NR6A1: variants seen among roughly 807,000 people sequenced by gnomAD.
NR6A1 encodes the protein nuclear receptor subfamily 6 group A member 1, also known as retinoic acid receptor-related testis-associated receptor.
A neutral mutation model predicts 59.1 loss-of-function variants in NR6A1; 7 were observed. The ratio of observed to expected loss-of-function variants is 0.12; its 90% CI spans 0.07 to 0.22. The LOEUF is 0.22. Ranked by LOEUF, NR6A1 falls within the 10% of genes least tolerant of loss-of-function variation. The probability of loss-of-function intolerance (pLI) is 1.00; values close to 1 mark genes in which losing one functional copy is unlikely to be tolerated. For missense variants in NR6A1, 468 were observed against 611.6 expected, an observed-to-expected ratio of 0.77 and a Z score of 2.48; for synonymous variants, 243 against 236.1, an observed-to-expected ratio of 1.03 and a Z score of -0.27.
Position 124,526,846 on chromosome 9 carries a change from C to T in NR6A1, c.1134G>A (p.Lys378=). The change falls in exon 8 of 10, where the codon AAG becomes AAA. Residue 378 remains lysine (K), a synonymous_variant. Transcript: ENST00000487099. ...CGTTGCTGACCTTTAGCTGATGGAA[C>T]TTGTGATAGAGGTAGATGAGCCGCT... is the stretch of plus-strand genomic sequence containing the variant. ...VIERLIYLYH[K]FHQLKVSNEE... 6.2e-7 allele frequency: 1 copy of T among 1,614,118 alleles called. No individual in the cohort carries two copies. Among genetic ancestry groups the T allele is most frequent in the African/African-American group, 1.3e-5 (1 of 75,044 alleles).
chr9:124,719,610 G>C (rs1839504473), intron 2 of NR6A1, among the ~76,000 whole-genome samples: 1 of 152,088 alleles, frequency 6.6e-6, no homozygotes, highest in African/African-American at 2.4e-5. Context: ...AAACCTAAGA[G>C]TATACGCTCA....
At chr9:124,753,603 T>C (rs1840562885) in intron 1 of NR6A1, among the ~76,000 whole-genome samples, 1 of 152,240 alleles carries the variant, frequency 6.6e-6, no homozygotes, top group African/African-American at 2.4e-5. Flanking sequence ...TATCACCACC[T>C]ATCCAAAGAA....
At chr9:124,754,951 C>A (rs1316807112) in intron 1 of NR6A1, among the ~76,000 whole-genome samples, 1 of 152,092 alleles carries the variant, frequency 6.6e-6, no homozygotes, top group Non-Finnish European at 1.5e-5. Flanking sequence ...CCCTTCCACT[C>A]AACTGTCAAA....
chr9:124,536,684 T>C lies in NR6A1; in HGVS notation c.825-552A>G, dbSNP rs569136509. 2.0e-5 allele frequency among the ~76,000 whole-genome samples: 3 copies of C among 150,130 alleles called. No homozygotes were observed. In the East Asian group the frequency reaches 5.8e-4, roughly 29 times the overall value. ...TGTCTAAAAAAAAAAAAAAAAGAAATGTGTCCAATTGTCAGGGAATATGAC... is the reference window on the plus strand; with the variant it reads ...TGTCTAAAAAAAAAAAAAAAAGAAACGTGTCCAATTGTCAGGGAATATGAC... On this transcript the variant is annotated intron_variant, in intron 6 of 9. Transcript: ENST00000487099.
intron 2 of NR6A1, among the ~76,000 whole-genome samples, chr9:124,628,642 A>AC (rs1554736480): frequency 7.2e-6 from 1 of 138,788 alleles, no homozygotes; most frequent in Non-Finnish European, 1.6e-5. Flanking sequence ...CGTCCAGCCT[A>AC]TTTTTTTTTT....
At chr9:124,606,720 C>G (rs1481314698) in intron 2 of NR6A1, among the ~76,000 whole-genome samples, 2 of 152,192 alleles carry the variant, frequency 1.3e-5, no homozygotes, top group African/African-American at 4.8e-5. Flanking sequence ...TAACACAACT[C>G]TATGTTCACG....
chr9:124,625,263 A>G (rs555832023), intron 2 of NR6A1, among the ~76,000 whole-genome samples: 17 of 152,340 alleles, frequency 1.1e-4, no homozygotes, highest in African/African-American at 3.8e-4. Flanking sequence ...TTACTCTGGT[A>G]ACCTCACAAG....
intron 2 of NR6A1, among the ~76,000 whole-genome samples, chr9:124,717,671 T>C (rs1319014097): frequency 6.6e-6 from 1 of 152,206 alleles, no homozygotes; most frequent in Non-Finnish European, 1.5e-5. Context: ...TAAAAATGCT[T>C]AACCTTAACA....
chr9:124,589,577 C>T (rs1835048608), intron 2 of NR6A1, among the ~76,000 whole-genome samples: 1 of 152,232 alleles, frequency 6.6e-6, no homozygotes, highest in Admixed American at 6.5e-5. Context: ...GGTTGCCAAG[C>T]CTTTCATTTG....
intron 2 of NR6A1, among the ~76,000 whole-genome samples, chr9:124,651,179 C>T (rs1837091404): frequency 6.6e-6 from 1 of 152,284 alleles, no homozygotes; most frequent in South Asian, 2.1e-4. Flanking sequence ...GCCTCAGCCT[C>T]CCAAGTAGCT....
At chr9:124,537,014 G>A (rs556860720) in intron 6 of NR6A1, among the ~76,000 whole-genome samples, 1 of 151,860 alleles carries the variant, frequency 6.6e-6, no homozygotes, top group East Asian at 1.9e-4. Context: ...AAGAGTTTCA[G>A]CTTTCTTCCT....
intron 2 of NR6A1, among the ~76,000 whole-genome samples, chr9:124,575,721 T>C (rs749457290): frequency 6.6e-6 from 1 of 152,252 alleles, no homozygotes; most frequent in Non-Finnish European, 1.5e-5. Flanking sequence ...ATAGTACTTT[T>C]ATCACATCGT....
At chr9:124,633,673 G>C (rs1050097267) in intron 2 of NR6A1, among the ~76,000 whole-genome samples, 1 of 152,160 alleles carries the variant, frequency 6.6e-6, no homozygotes, top group African/African-American at 2.4e-5. Context: ...CCTAAATTGT[G>C]GAGGCAAGGT....
chr9:124,527,006 G>A (rs1056287146), intron 7 of NR6A1, 106 bp from the exon 8 acceptor site: 69 of 1,392,792 alleles, frequency 5.0e-5, no homozygotes, highest in Middle Eastern at 2.2e-4. Flanking sequence ...GAGCTTGGGG[G>A]AAATGGGATC....
chr9:124,712,676 C>T (rs1045228232), intron 2 of NR6A1, among the ~76,000 whole-genome samples: 1 of 151,764 alleles, frequency 6.6e-6, no homozygotes, highest in Non-Finnish European at 1.5e-5. Context: ...GGCTCTTCTA[C>T]ACATAATCAC....
chr9:124,524,495 A>G (rs149279021), intron 9 of NR6A1, among the ~76,000 whole-genome samples: 2 of 152,336 alleles, frequency 1.3e-5, no homozygotes, highest in East Asian at 3.9e-4. Context: ...ATATAAGGCC[A>G]CAAAGTACCC....
intron 2 of NR6A1, among the ~76,000 whole-genome samples, chr9:124,684,796 C>T (rs147346892): frequency 5.3e-5 from 8 of 152,220 alleles, no homozygotes; most frequent in African/African-American, 9.6e-5. Context: ...ATACCATGGA[C>T]GGATTTTAAC....
At chr9:124,524,412 GTC>G (rs1255672908) in intron 9 of NR6A1, among the ~76,000 whole-genome samples, 1 of 152,134 alleles carries the variant, frequency 6.6e-6, no homozygotes, top group African/African-American at 2.4e-5. Flanking sequence ...GATACTCTGA[GTC>G]TCTGTTTCCT....
At chr9:124,718,370 C>T (rs1193397171) in intron 2 of NR6A1, among the ~76,000 whole-genome samples, 1 of 152,188 alleles carries the variant, frequency 6.6e-6, no homozygotes, top group Non-Finnish European at 1.5e-5. Context: ...CAAGTAGAAG[C>T]CTGAAAATGC....
Sources: allele counts gnomAD v4.1 joint callset (sites outside exome capture counted in the v4.1 genomes callset), GRCh38; gene constraint gnomAD v4.1.1; transcripts MANE v1.5; gene names NCBI Gene and HGNC (gene_info 2026-07-23, HGNC 2026-07-21).